The following SYTL3 variants were observed in gnomAD, a reference collection of about 807,000 sequenced individuals.
SYTL3 encodes synaptotagmin like 3, also known as synaptotagmin-like protein 3.
SYTL3 carries 88 observed loss-of-function variants against 82.1 expected under a neutral mutation model. The ratio of observed to expected loss-of-function variants is 1.07; its 90% CI spans 0.90 to 1.28. The LOEUF (loss-of-function observed/expected upper bound fraction) is 1.28. Ranked by LOEUF, SYTL3 falls within the 50% of genes most tolerant of loss-of-function variation. SYTL3 has a pLI of 0.00. For synonymous variants in SYTL3, 311 were observed against 289.4 expected, an observed-to-expected ratio of 1.07 and a Z score of -0.76; for missense variants, 831 against 757.6, an observed-to-expected ratio of 1.10 and a Z score of -1.14.
chr6:158,669,495 G>T (rs1368812584), intron 5 of SYTL3, among the ~76,000 whole-genome samples: 1 of 152,192 alleles, frequency 6.6e-6, no homozygotes, highest in Non-Finnish European at 1.5e-5. Flanking sequence ...TCTGTAAGTT[G>T]CAAGTATTTT....
chr6:158,706,212 G>A lies in SYTL3; in HGVS notation c.395-1018G>A, dbSNP rs533537693. 7.9e-5 allele frequency among the ~76,000 whole-genome samples: 12 copies of A among 152,208 alleles called. No individual in the cohort carries two copies. The East Asian group carries it at 2.1e-3, about 27-fold the overall frequency. Reference sequence around the variant, plus strand: ...AAAATGCACACAGGCAGGTGGACTCGGAACTTTAGCCATGATTTCAAAGAC... The same window carrying A: ...AAAATGCACACAGGCAGGTGGACTCAGAACTTTAGCCATGATTTCAAAGAC... On this transcript the variant is annotated intron_variant, in intron 6 of 17. Coordinates refer to ENST00000611299, the MANE Select transcript of SYTL3 (RefSeq NM_001242394.2).
chr6:158,696,550 A>G (rs1319288127), intron 6 of SYTL3, among the ~76,000 whole-genome samples: 1 of 151,894 alleles, frequency 6.6e-6, no homozygotes, highest in Non-Finnish European at 1.5e-5. Context: ...GATAGTAGCC[A>G]CCCTAATGGG....
chr6:158,677,301 C>A (rs1272956226), intron 5 of SYTL3, among the ~76,000 whole-genome samples: 1 of 152,086 alleles, frequency 6.6e-6, no homozygotes, highest in Non-Finnish European at 1.5e-5. Context: ...CAAACTATCT[C>A]AAGGACAAAA....
chr6:158,709,906 A>G lies in SYTL3; in HGVS notation c.516+1515A>G, dbSNP rs938506697. On this transcript the variant is annotated intron_variant, in intron 8 of 17. Transcript: ENST00000611299. ...AAAAATTAGCTGGATGTGGTAGCACATGCCTGTAGGCTCAGCTACTCAGGA... is the reference window on the plus strand; with the variant it reads ...AAAAATTAGCTGGATGTGGTAGCACGTGCCTGTAGGCTCAGCTACTCAGGA... Among the ~76,000 whole-genome samples, 4 of 152,340 alleles carry G rather than the reference A, an allele frequency of 2.6e-5. No individual in the cohort carries two copies. In the East Asian group the frequency reaches 5.8e-4, roughly 22 times the overall value.
intron 5 of SYTL3, among the ~76,000 whole-genome samples, chr6:158,680,539 G>A (rs1332089720): frequency 7.7e-6 from 1 of 129,854 alleles, no homozygotes; most frequent in East Asian, 2.2e-4. Context: ...AGCAGTTTGA[G>A]ACCAGACTGG....
intron 16 of SYTL3, 40 bp from the exon 17 acceptor site, chr6:158,763,264 G>A (rs753398412): frequency 1.2e-6 from 2 of 1,600,446 alleles, no homozygotes; most frequent in Non-Finnish European, 1.7e-6. Flanking sequence ...AGAAGGCCGT[G>A]TGGATGGCAA....
intron 5 of SYTL3, among the ~76,000 whole-genome samples, chr6:158,675,986 A>G (rs1777986835): frequency 6.6e-6 from 1 of 152,148 alleles, no homozygotes; most frequent in Non-Finnish European, 1.5e-5. Flanking sequence ...AAATGGCCAT[A>G]CTGCCCAAGG....
intron 14 of SYTL3, among the ~76,000 whole-genome samples, chr6:158,759,050 C>T (rs951140930): frequency 3.3e-5 from 5 of 152,224 alleles, no homozygotes; most frequent in Admixed American, 1.3e-4. Context: ...TCCTTCTGTC[C>T]GAGGCTGAAT....
upstream of SYTL3, among the ~76,000 whole-genome samples, chr6:158,645,488 T>C (rs1293983040): frequency 1.3e-5 from 2 of 152,208 alleles, no homozygotes; most frequent in Non-Finnish European, 2.9e-5. Flanking sequence ...TTGCTTTTTC[T>C]GGTTTCGTCA....
At position 158,762,364 on chromosome 6, in the gene SYTL3, T is replaced by C. The variant is rs905470534; in HGVS notation, c.1517+186T>C. 4.6e-5 allele frequency among the ~76,000 whole-genome samples: 7 copies of C among 152,238 alleles called. No homozygotes were observed. The East Asian group carries it at 1.3e-3, about 29-fold the overall frequency. On this transcript the variant is annotated intron_variant, in intron 16 of 17. Coordinates refer to ENST00000611299, the MANE Select transcript of SYTL3 (RefSeq NM_001242394.2). The stretch of plus-strand genomic sequence containing the variant: ...AAAAATTCACGGGATGTGTACATGC[T>C]GGAGTACTCGAAACCCTAATCTTCT...
At position 158,693,844 on chromosome 6, in the gene SYTL3, C is replaced by CTTTTACTTTTTTTT. The variant is rs763990639; in HGVS notation, c.394+10859_394+10860insACTTTTTTTTTTTT. ...AGGTGTGCCACTGCATCCAGCCTTTCTTTTTCTTTTCTTTTTTTTTTTTTT... is the reference window on the plus strand; with the variant it reads ...AGGTGTGCCACTGCATCCAGCCTTTCTTTTACTTTTTTTTTTTTTCTTTTCTTTTTTTTTTTTTT... On this transcript the variant is annotated intron_variant, in intron 6 of 17. Transcript: ENST00000611299. Among the ~76,000 whole-genome samples, 220 of 55,544 alleles carry CTTTTACTTTTTTTT rather than the reference C, an allele frequency of 4.0e-3. 13 individuals are homozygous for CTTTTACTTTTTTTT. The highest frequency in any genetic ancestry group is 0.011 in the South Asian group (19 of 1,736). 36.4% of individuals were successfully genotyped at this position (55,544 alleles called of 152,430 possible).
chr6:158,648,288 C>T (rs970853560), upstream of SYTL3, among the ~76,000 whole-genome samples: 8 of 149,776 alleles, frequency 5.3e-5, no homozygotes, highest in Admixed American at 4.7e-4. Context: ...AGCGAAACTC[C>T]GTCTCAAAAA....
intron 9 of SYTL3, among the ~76,000 whole-genome samples, chr6:158,715,076 T>C (rs763949026): frequency 6.6e-6 from 1 of 152,200 alleles, no homozygotes; most frequent in Non-Finnish European, 1.5e-5. Flanking sequence ...CTGTGCCCCT[T>C]GGCCTGGAAC....
intron 5 of SYTL3, among the ~76,000 whole-genome samples, chr6:158,674,138 A>C (rs1777758791): frequency 6.6e-6 from 1 of 151,008 alleles, no homozygotes; most frequent in Non-Finnish European, 1.5e-5. Flanking sequence ...GATGATGATA[A>C]TCTTCTCCCT....
At chr6:158,648,165 T>G (rs1393777264), upstream of SYTL3, among the ~76,000 whole-genome samples, 1 of 152,090 alleles carries the variant, frequency 6.6e-6, no homozygotes, top group Non-Finnish European at 1.5e-5. Flanking sequence ...TGGTGGTGCA[T>G]GCTTGTAATC....
At chr6:158,680,920 A>G (rs1288400070) in intron 5 of SYTL3, among the ~76,000 whole-genome samples, 6 of 152,218 alleles carry the variant, frequency 3.9e-5, no homozygotes, top group Non-Finnish European at 7.3e-5. Context: ...TTCATAGAGA[A>G]AGATAGCATA....
chr6:158,703,822 C>CATT (rs71761794), intron 6 of SYTL3, among the ~76,000 whole-genome samples: 2,407 of 129,498 alleles, frequency 0.019, 16 homozygotes, highest in Middle Eastern at 0.052. Flanking sequence ...ATATTATTAT[C>CATT]ATTATTATTA....
At chr6:158,650,189 A>T (rs1787813925) in intron 1 of SYTL3, 111 bp downstream of exon 1, 1 of 152,186 alleles carries the variant, frequency 6.6e-6, no homozygotes, top group East Asian at 1.9e-4. Flanking sequence ...ATGACATTGA[A>T]AAGGTAGGAA....
chr6:158,713,679 G>A (rs534971371), intron 8 of SYTL3, 121 bp from the exon 9 acceptor site: 28 of 723,676 alleles, frequency 3.9e-5, no homozygotes, highest in East Asian at 3.8e-4. Flanking sequence ...CCAGCACCAC[G>A]CCCACACTCA....
Sources: allele counts gnomAD v4.1 joint callset (sites outside exome capture counted in the v4.1 genomes callset), GRCh38; gene constraint gnomAD v4.1.1; transcripts MANE v1.5; gene names NCBI Gene and HGNC (gene_info 2026-07-23, HGNC 2026-07-21).